Variants in PMPCA observed in about 807,000 individuals in gnomAD.
PMPCA encodes the protein mitochondrial-processing peptidase subunit alpha.
A neutral mutation model predicts 59.3 loss-of-function variants in PMPCA; 47 were observed. The ratio of observed to expected loss-of-function variants is 0.79; its 90% CI spans 0.63 to 1.01. The LOEUF (loss-of-function observed/expected upper bound fraction) is 1.01. Among genes scored for constraint, PMPCA ranks in the 50% least tolerant of loss-of-function variants. PMPCA has a pLI of 0.00. For missense variants in PMPCA, 726 were observed against 704.5 expected, an observed-to-expected ratio of 1.03 and a Z score of -0.34; for synonymous variants, 338 against 290.3, an observed-to-expected ratio of 1.16 and a Z score of -1.67.
At chr9:136,419,350 C>G (rs1190621849) in intron 11 of PMPCA, 3 of 592,274 alleles carry the variant, frequency 5.1e-6, no homozygotes, top group East Asian at 5.7e-5. Context: ...CCACCGCCCT[C>G]CCCCAGTGCT....
intron 11 of PMPCA, 23 bp from the exon 12 acceptor site, chr9:136,421,809 A>C: frequency 1.9e-6 from 3 of 1,568,996 alleles, no homozygotes; most frequent in Non-Finnish European, 2.6e-6. Context: ...GTGTGTGCTC[A>C]CCTGACTGGA....
At chr9:136,416,568 C>G in intron 6 of PMPCA, 177 bp downstream of exon 6, 1 of 664,206 alleles carries the variant, frequency 1.5e-6, no homozygotes, top group South Asian at 1.6e-5. Flanking sequence ...TCTTGCACTC[C>G]TGGGCTCAGC....
chr9:136,416,029 C>G, intron 5 of PMPCA: 1 of 560,176 alleles, frequency 1.8e-6, no homozygotes, highest in Non-Finnish European at 3.2e-6. Flanking sequence ...CTTTCACCAG[C>G]AAGGAAGCCA....
chr9:136,413,270 C>T (rs1236079568), intron 4 of PMPCA, among the ~76,000 whole-genome samples: 1 of 152,168 alleles, frequency 6.6e-6, no homozygotes, highest in East Asian at 1.9e-4. Flanking sequence ...CAGGGTTGGG[C>T]TGGTTCCAGA....
At chr9:136,416,172 G>T in intron 5 of PMPCA, 119 bp from the exon 6 acceptor site, 1 of 725,188 alleles carries the variant, frequency 1.4e-6, no homozygotes, top group South Asian at 1.6e-5. Flanking sequence ...GAAGGCAGAG[G>T]TGACTGCCAA....
chr9:136,411,985 T>C lies in PMPCA; in HGVS notation c.72-12T>C, dbSNP rs766057733. ...CAAGCCTGTTGTAACTGGGCCGCTTTCTCTGTTTTAGGTTTGGACCTCCTG... is the reference window on the plus strand; with the variant it reads ...CAAGCCTGTTGTAACTGGGCCGCTTCCTCTGTTTTAGGTTTGGACCTCCTG... On this transcript the variant is annotated splice_polypyrimidine_tract_variant and intron_variant, in intron 1 of 12. Coordinates refer to ENST00000371717, the MANE Select transcript of PMPCA (RefSeq NM_015160.3). 11 of 1,575,390 alleles carry C rather than the reference T, an allele frequency of 7.0e-6. No individual in the cohort carries two copies. Among genetic ancestry groups the C allele is most frequent in the Non-Finnish European group, 9.6e-6 (11 of 1,146,444 alleles).
intron 5 of PMPCA, among the ~76,000 whole-genome samples, chr9:136,415,471 T>G (rs1409394252): frequency 6.6e-6 from 1 of 152,228 alleles, no homozygotes; most frequent in African/African-American, 2.4e-5. Flanking sequence ...GGCAGGACTT[T>G]GAGTCCCTGT....
chr9:136,413,917 G>A (rs1042480122), intron 4 of PMPCA, among the ~76,000 whole-genome samples: 5 of 152,204 alleles, frequency 3.3e-5, no homozygotes, highest in Non-Finnish European at 7.3e-5. Context: ...TGGCTGTTGC[G>A]TCTGCTCTGC....
rs1442110087 is a variant in PMPCA at position 136,416,392 on chromosome 9, G to A, written c.633+1G>A. 5.6e-6 allele frequency: 9 copies of A among 1,607,324 alleles called. No homozygotes were observed. Among genetic ancestry groups the A allele is most frequent in the Admixed American group, 3.3e-5 (2 of 60,020 alleles). On this transcript the variant is annotated splice_donor_variant, in intron 6 of 12. Coordinates refer to ENST00000371717, the MANE Select transcript of PMPCA (RefSeq NM_015160.3). LOFTEE classifies it high-confidence loss of function. Reference sequence around the variant, plus strand: ...ACTTCTCACCGAGATGATTCATGAAGTAAAATGTCAAACTCGAGAATGCCC... The same window carrying A: ...ACTTCTCACCGAGATGATTCATGAAATAAAATGTCAAACTCGAGAATGCCC...
chr9:136,414,729 G>A, intron 5 of PMPCA, 82 bp downstream of exon 5: 1 of 836,498 alleles, frequency 1.2e-6, no homozygotes, highest in Non-Finnish European at 2.1e-6. Flanking sequence ...CTGTAGCCAT[G>A]AGGGAGAGCA....
intron 11 of PMPCA, among the ~76,000 whole-genome samples, chr9:136,421,297 C>T (rs1835441209): frequency 1.3e-5 from 2 of 152,196 alleles, no homozygotes; most frequent in Non-Finnish European, 1.5e-5. Context: ...CACATTGCTC[C>T]TGTATTTCAA....
rs11145962 is a variant in PMPCA at position 136,417,494 on chromosome 9, A to G, written c.897+280A>G. On this transcript the variant is annotated intron_variant, in intron 7 of 12. Transcript: ENST00000371717. Reference sequence around the variant, plus strand: ...GCATTTTTTTTTTTTTTTTTTAGAGATGGAGCCTCGCTCTGTCACCCAGGC... The same window carrying G: ...GCATTTTTTTTTTTTTTTTTTAGAGGTGGAGCCTCGCTCTGTCACCCAGGC... Among the ~76,000 whole-genome samples, 20,429 of 142,624 alleles carry G rather than the reference A, an allele frequency of 0.14. 1,691 individuals are homozygous for G. Among genetic ancestry groups the G allele is most frequent in the Admixed American group, 0.22 (3,217 of 14,350 alleles). 93.6% of individuals were successfully genotyped at this position (142,624 alleles called of 152,430 possible).
chr9:136,415,786 C>T (rs1367789959), intron 5 of PMPCA, among the ~76,000 whole-genome samples: 1 of 152,226 alleles, frequency 6.6e-6, no homozygotes, highest in Non-Finnish European at 1.5e-5. Context: ...GCGCCCGCCA[C>T]CGCGCCCAGT....
At chr9:136,416,629 G>C (rs756227554) in intron 6 of PMPCA, 41 of 613,560 alleles carry the variant, frequency 6.7e-5, no homozygotes, top group Non-Finnish European at 1.0e-4. Flanking sequence ...TTACAGGCGT[G>C]AGTCACCGCA....
In PMPCA at chr9:136,416,511, AT is replaced by A. The variant is rs759994140; in HGVS notation, c.633+127del. On this transcript the variant is annotated intron_variant, in intron 6 of 12. Coordinates refer to ENST00000371717, the MANE Select transcript of PMPCA (RefSeq NM_015160.3). ...TGCAGGTTATGGATATATACAGAAC[AT>A]TTTTTTGTTTTTTGAGATGAGGTTT... The A allele has an allele frequency of 6.5e-6, 5 of 763,968 alleles. No individual in the cohort carries two copies. In the East Asian group the frequency reaches 1.3e-4, roughly 20 times the overall value. The allele number at this position is 763,968 out of a possible 1,614,324, so 47.3% of individuals were successfully genotyped here. A position where few individuals can be genotyped will look rare whatever the true frequency, so the allele number is the denominator to read the frequency against.
intron 7 of PMPCA, 54 bp downstream of exon 7, chr9:136,417,268 C>T (rs752415834): frequency 4.3e-5 from 62 of 1,454,946 alleles, no homozygotes; most frequent in South Asian, 8.0e-5. Flanking sequence ...TCCCCTGGCC[C>T]GTGGTGTGAC....
rs770827044 is a variant in PMPCA at position 136,418,549 on chromosome 9, C to G, written c.991-6C>G. On this transcript the variant is annotated splice_polypyrimidine_tract_variant and splice_region_variant and intron_variant, in intron 8 of 12. Coordinates refer to ENST00000371717, the MANE Select transcript of PMPCA (RefSeq NM_015160.3). The stretch of plus-strand genomic sequence containing the variant: ...GTTCAGCCAGCTCTGCCCTCCGTCC[C>G]TGCAGGAGGAGGACTTCATCCCCTT... 3.2e-6 allele frequency: 5 copies of G among 1,576,476 alleles called. No individual in the cohort carries two copies. In the African/African-American group the frequency reaches 6.7e-5, roughly 21 times the overall value.
chr9:136,416,496 G>T lies in PMPCA; in HGVS notation c.633+105G>T, dbSNP rs768129945. 2.0e-5 allele frequency: 16 copies of T among 809,660 alleles called. No individual in the cohort carries two copies. In the Admixed American group the frequency reaches 2.7e-4, roughly 13 times the overall value. 50.2% of individuals were successfully genotyped at this position (809,660 alleles called of 1,614,324 possible). On this transcript the variant is annotated intron_variant, in intron 6 of 12. Transcript: ENST00000371717. ...CCGTGATGTTGTCCTTGCAGGTTAT[G>T]GATATATACAGAACATTTTTTTGTT...
chr9:136,419,582 AT>A (rs1046660771), intron 11 of PMPCA: 103 of 189,246 alleles, frequency 5.4e-4, no homozygotes, highest in Middle Eastern at 2.2e-3. Flanking sequence ...TTGTTTACCA[AT>A]TTTTTTTTGT....
Sources: allele counts gnomAD v4.1 joint callset (sites outside exome capture counted in the v4.1 genomes callset), GRCh38; gene constraint gnomAD v4.1.1; transcripts MANE v1.5; gene names NCBI Gene and HGNC (gene_info 2026-07-23, HGNC 2026-07-21).